ST14: variants seen among roughly 807,000 people sequenced by gnomAD.
The protein encoded by ST14 is suppressor of tumorigenicity 14 protein.
Under a neutral mutation model 96.5 loss-of-function variants are expected in ST14, and 40 were observed. That is an observed-to-expected ratio of 0.41 (90% CI 0.32 to 0.54). The LOEUF (loss-of-function observed/expected upper bound fraction) is 0.54. Among genes scored for constraint, ST14 ranks in the 20% least tolerant of loss-of-function variants. The pLI is 0.17. For missense variants in ST14, 1,066 were observed against 1,188.9 expected, an observed-to-expected ratio of 0.90 and a Z score of 1.52; for synonymous variants, 506 against 492.1, an observed-to-expected ratio of 1.03 and a Z score of -0.37.
rs1336693847 is a variant in ST14, at chr11:130,193,959, TC to T, written c.876-188del. Among the ~76,000 whole-genome samples the T allele has an allele frequency of 4.6e-5, 7 of 152,416 alleles. No homozygotes were observed. In the East Asian group the frequency reaches 1.3e-3, roughly 29 times the overall value. On this transcript the variant is annotated intron_variant, in intron 7 of 18. Coordinates refer to ENST00000278742, the MANE Select transcript of ST14 (RefSeq NM_021978.4). The stretch of plus-strand genomic sequence containing the variant: ...GGTGAACTGTTTATCACTAGCGCCT[TC>T]CATCAGTGATTGTGTGGGGGAGGGA...
At chr11:130,178,289 T>TGTTGGCAGAGCCTTC (rs1426801053) in intron 1 of ST14, among the ~76,000 whole-genome samples, 1 of 115,286 alleles carries the variant, frequency 8.7e-6, no homozygotes, top group East Asian at 2.9e-4. Flanking sequence ...GAGTTTCTGA[T>TGTTGGCAGAGCCTTC]GTTGGCAGAG....
At position 130,188,676 on chromosome 11, in the gene ST14, G is replaced by C. The variant is rs773366449; in HGVS notation, c.369+19G>C. 1 of 1,614,146 alleles carries C rather than the reference G, an allele frequency of 6.2e-7. No individual in the cohort carries two copies. The highest frequency in any genetic ancestry group is 1.1e-5 in the South Asian group (1 of 91,080). On this transcript the variant is annotated intron_variant, in intron 3 of 18. Coordinates refer to ENST00000278742, the MANE Select transcript of ST14 (RefSeq NM_021978.4). This position sits in a 1 kb window ranked among gnomAD's most constrained non-coding sequence, Gnocchi z 5.4. Reference sequence around the variant, plus strand: ...GGACGCGGTGAGTGCAGCCTGCCCAGAGTCCTGCTGGGCTGTGTGCGCTGG... The same window carrying C: ...GGACGCGGTGAGTGCAGCCTGCCCACAGTCCTGCTGGGCTGTGTGCGCTGG...
intron 14 of ST14, 88 bp from the exon 15 acceptor site, chr11:130,198,859 G>C (rs1018281436): frequency 1.2e-6 from 2 of 1,608,452 alleles, no homozygotes; most frequent in Non-Finnish European, 1.7e-6. Context: ...TAATGTGCAG[G>C]GGCCATGAGG....
chr11:130,199,920 G>T (rs1953409613), intron 15 of ST14, 31 bp from the exon 16 acceptor site: 1 of 1,613,632 alleles, frequency 6.2e-7, no homozygotes, highest in African/African-American at 1.3e-5. Context: ...ACCTTGACTT[G>T]CTGTCCTCTG....
chr11:130,198,573 G>A lies in ST14; in HGVS notation c.1636G>A (p.Gly546Arg), dbSNP rs746517833. 2 of 1,614,094 alleles carry A rather than the reference G, an allele frequency of 1.2e-6. No individual in the cohort carries two copies. Among genetic ancestry groups the A allele is most frequent in the South Asian group, 2.2e-5 (2 of 91,090 alleles). ...CCTCTCGAAAAGCCAGCAGTGCAATGGGAAGGACGACTGTGGGGACGGGTC... is the reference window on the plus strand; with the variant it reads ...CCTCTCGAAAAGCCAGCAGTGCAATAGGAAGGACGACTGTGGGGACGGGTC... Reference protein sequence around the residue: ...KCLSKSQQCNGKDDCGDGSDE... With the variant: ...KCLSKSQQCNRKDDCGDGSDE... Residue 546 changes from glycine to arginine, a missense_variant, in exon 14 of 19, where the codon GGG (glycine) becomes AGG (arginine). Transcript: ENST00000278742.
At chr11:130,207,279 G>A (rs574139942) in intron 16 of ST14, among the ~76,000 whole-genome samples, 61 of 152,346 alleles carry the variant, frequency 4.0e-4, no homozygotes, top group African/African-American at 1.4e-3. Flanking sequence ...CAGCGGGCAC[G>A]GTGGCTTATG....
intron 1 of ST14, among the ~76,000 whole-genome samples, chr11:130,178,228 TAA>T (rs960768043): frequency 6.6e-6 from 1 of 152,314 alleles, no homozygotes; most frequent in African/African-American, 2.4e-5. Flanking sequence ...GCCACGAAGA[TAA>T]AAAGAGTCTC....
In ST14 at chr11:130,194,196, C is replaced by T; in HGVS notation, c.923C>T (p.Ser308Phe). The T allele has an allele frequency of 6.2e-7, 1 of 1,614,218 alleles. No individual in the cohort carries two copies. The change falls in exon 8 of 19, where the codon TCC becomes TTC. Residue 308 changes from serine (S) to phenylalanine (F), a missense_variant. Coordinates refer to ENST00000278742, the MANE Select transcript of ST14 (RefSeq NM_021978.4). ...TCCTACAACCTGACCTTCCACTCCT[C>T]CCAGAACGTCCTGCTCATCACACTG... ...PPSYNLTFHS[S>F]QNVLLITLIT...
intron 11 of ST14, 51 bp from the exon 12 acceptor site, chr11:130,197,790 C>G: frequency 6.9e-7 from 1 of 1,459,062 alleles, no homozygotes; most frequent in Non-Finnish European, 9.3e-7. Context: ...CGGGAGCCAG[C>G]GGAGGGAGGT....
Position 130,196,397 on chromosome 11 carries a change from G to A in ST14, c.1172G>A (p.Gly391Asp), listed in dbSNP as rs1372052747. 2 of 1,610,162 alleles carry A rather than the reference G, an allele frequency of 1.2e-6. No individual in the cohort carries two copies. Among genetic ancestry groups the A allele is most frequent in the Admixed American group, 3.4e-5 (2 of 59,454 alleles). ...RFKFFYLLEP[G>D]VPAGTCPKDY... ...AAATTCTTCTACCTGCTGGAGCCCG[G>A]CGTGCCTGCGGGCACCTGCCCCAAG... The change falls in exon 10 of 19, where the codon GGC (glycine) becomes GAC (aspartate). Residue 391 changes from glycine (G) to aspartate (D), a missense_variant. Transcript: ENST00000278742.
At chr11:130,205,800 G>A (rs531412753) in intron 16 of ST14, among the ~76,000 whole-genome samples, 4 of 149,146 alleles carry the variant, frequency 2.7e-5, no homozygotes, top group Admixed American at 1.4e-4. Context: ...CCAGGTTCAG[G>A]TGATTCTCTT....
Position 130,188,814 on chromosome 11 carries a change from T to C in ST14, c.370-55T>C. 1.9e-6 allele frequency: 3 copies of C among 1,605,214 alleles called. No homozygotes were observed. The highest frequency in any genetic ancestry group is 1.7e-5 in the Admixed American group (1 of 58,312). ...CTGGAGGGGAGGGAGCAGCCCGGGC[T>C]TGGGGCAGGGTCATCGCCGCATGGG... On this transcript the variant is annotated intron_variant, in intron 3 of 18. Transcript: ENST00000278742. The surrounding 1 kb of genome is among the most constrained non-coding windows in gnomAD (Gnocchi z 5.4).
intron 1 of ST14, among the ~76,000 whole-genome samples, chr11:130,164,920 A>G (rs1410703955): frequency 6.6e-6 from 1 of 151,760 alleles, no homozygotes; most frequent in Non-Finnish European, 1.5e-5. Context: ...TATTTTTAGT[A>G]GAGATGGGGT....
In ST14 at chr11:130,188,305, A is replaced by T. The variant is rs1182840547; in HGVS notation, c.241+32A>T. On this transcript the variant is annotated intron_variant, in intron 2 of 18. Transcript: ENST00000278742. The surrounding 1 kb of genome is among the most constrained non-coding windows in gnomAD (Gnocchi z 5.4). ...AAAGCTGGGGCTGGCTCCGGGGAGG[A>T]CGACAAGGGGTGGCTGTCCCTCTTC... 3 of 1,603,032 alleles carry T rather than the reference A, an allele frequency of 1.9e-6. No homozygotes were observed. The African/African-American group carries it at 4.0e-5, about 21-fold the overall frequency.
chr11:130,184,249 C>T (rs1170333372), intron 1 of ST14, among the ~76,000 whole-genome samples: 1 of 152,206 alleles, frequency 6.6e-6, no homozygotes, highest in Non-Finnish European at 1.5e-5. Flanking sequence ...AATATATACA[C>T]TTTATTTTAT....
chr11:130,209,343 G>C (rs1953523120), intron 17 of ST14, 99 bp from the exon 18 acceptor site: 13 of 1,503,314 alleles, frequency 8.6e-6, no homozygotes, highest in Admixed American at 2.0e-5. Flanking sequence ...CATCTGGGCT[G>C]TTCCAGAGTT....
intron 1 of ST14, among the ~76,000 whole-genome samples, chr11:130,163,929 G>A (rs1248393766): frequency 6.6e-6 from 1 of 152,208 alleles, no homozygotes; most frequent in African/African-American, 2.4e-5. Context: ...AGGAGAACGA[G>A]TCACAGCTCC....
intron 8 of ST14, 130 bp downstream of exon 8, chr11:130,194,418 G>A (rs1953337130): frequency 1.4e-6 from 2 of 1,396,918 alleles, no homozygotes; most frequent in East Asian, 4.9e-5. Context: ...TAGGTCAGCA[G>A]CAGAGGCTGA....
intron 1 of ST14, among the ~76,000 whole-genome samples, chr11:130,175,436 A>G (rs2136205689): frequency 6.6e-6 from 1 of 151,542 alleles, no homozygotes; most frequent in Non-Finnish European, 1.5e-5. Context: ...CTGGAGTGCA[A>G]TGGCGCAATC....
Sources: allele counts gnomAD v4.1 joint callset (sites outside exome capture counted in the v4.1 genomes callset), GRCh38; gene constraint gnomAD v4.1.1; non-coding constraint Gnocchi (gnomAD v3.1); transcripts MANE v1.5; gene names NCBI Gene and HGNC (gene_info 2026-07-23, HGNC 2026-07-21).